The following HCFC2 variants were observed in gnomAD, a reference collection of about 807,000 sequenced individuals.
HCFC2 encodes the protein host cell factor C2.
Under a neutral mutation model 89.2 loss-of-function variants are expected in HCFC2, and 18 were observed. That is an observed-to-expected ratio of 0.20 (90% CI 0.14 to 0.30). The LOEUF (loss-of-function observed/expected upper bound fraction) is 0.30. Ranked by LOEUF, HCFC2 falls within the 10% of genes least tolerant of loss-of-function variation. HCFC2 has a pLI of 1.00. For missense variants in HCFC2, 578 were observed against 956.1 expected (o/e 0.60, Z 5.21); for synonymous variants, 308 against 335.7 (o/e 0.92, Z 0.90).
rs978138757 is a variant in HCFC2 at position 104,105,174 on chromosome 12, G to A, written c.*1901G>A. ...CATATTAAATATTAGGGTTTGTTGTGTATATGTGTATACTTAATTATAAAA... is the reference window on the plus strand; with the variant it reads ...CATATTAAATATTAGGGTTTGTTGTATATATGTGTATACTTAATTATAAAA... On this transcript the variant is annotated 3_prime_UTR_variant, in exon 15 of 15. Transcript: ENST00000229330. The A allele has an allele frequency of 1.3e-5, 2 of 151,734 alleles. No homozygotes were observed. Among genetic ancestry groups the A allele is most frequent in the African/African-American group, 2.4e-5 (1 of 41,348 alleles). 9.4% of individuals were successfully genotyped at this position (151,734 alleles called of 1,614,324 possible).
chr12:104,064,892 C>T lies in HCFC2; in HGVS notation c.163+169C>T, dbSNP rs1416667218. ...GCAGCCCGGGTCCGGCAGCTCTGTCCCGGACCGCAGCTCAGGATCTCCGGG... is the reference window on the plus strand; with the variant it reads ...GCAGCCCGGGTCCGGCAGCTCTGTCTCGGACCGCAGCTCAGGATCTCCGGG... On this transcript the variant is annotated intron_variant, in intron 1 of 14. Coordinates refer to ENST00000229330, the MANE Select transcript of HCFC2 (RefSeq NM_013320.3). The surrounding 1 kb of genome is among the most constrained non-coding windows in gnomAD (Gnocchi z 7.3). 1 of 510,162 alleles carries T rather than the reference C, an allele frequency of 2.0e-6. No homozygotes were observed. Among genetic ancestry groups the T allele is most frequent in the Non-Finnish European group, 3.2e-6 (1 of 312,096 alleles). 31.6% of individuals were successfully genotyped at this position (510,162 alleles called of 1,614,324 possible). A position where few individuals can be genotyped will look rare whatever the true frequency, so the allele number is the denominator to read the frequency against.
chr12:104,077,247 TTTG>T (rs1883523964), intron 3 of HCFC2, among the ~76,000 whole-genome samples: 1 of 152,084 alleles, frequency 6.6e-6, no homozygotes, highest in South Asian at 2.1e-4. Flanking sequence ...TTTTTTGTTT[TTTG>T]TTTTTTTTTT....
chr12:104,087,443 A>T (rs12426053), intron 8 of HCFC2, among the ~76,000 whole-genome samples: 3 of 96,142 alleles, frequency 3.1e-5, no homozygotes, highest in African/African-American at 1.2e-4. Flanking sequence ...GTGTGTGTGT[A>T]TGTGTGTGTG....
At chr12:104,096,729 C>T (rs902035811) in intron 12 of HCFC2, among the ~76,000 whole-genome samples, 1 of 152,024 alleles carries the variant, frequency 6.6e-6, no homozygotes, top group Non-Finnish European at 1.5e-5. Context: ...AGGTGGGGGG[C>T]CACAGATACT....
intron 4 of HCFC2, 86 bp downstream of exon 4, chr12:104,079,739 T>G (rs1237196008): frequency 9.8e-7 from 1 of 1,018,780 alleles, no homozygotes; most frequent in Non-Finnish European, 1.5e-6. Flanking sequence ...TTTATTGAGT[T>G]GTACTTAGAT....
rs576995183 is a variant in HCFC2 at position 104,093,946 on chromosome 12, C to T, written c.1462+383C>T. Among the ~76,000 whole-genome samples the T allele has an allele frequency of 7.2e-4, 109 of 151,846 alleles. No homozygotes were observed. In the South Asian group the frequency reaches 0.012, roughly 17 times the overall value. On this transcript the variant is annotated intron_variant, in intron 10 of 14. Transcript: ENST00000229330. ...TAAAGCAGTGGCTGAAATGGAGAGG[C>T]GAGAATTCATCATTTAAGAGACGTT...
At position 104,095,318 on chromosome 12, in the gene HCFC2, G is replaced by A. The variant is rs372514796; in HGVS notation, c.1463-42G>A. 4 of 1,419,282 alleles carry A rather than the reference G, an allele frequency of 2.8e-6. No homozygotes were observed. The African/African-American group carries it at 4.2e-5, about 15-fold the overall frequency. The allele number at this position is 1,419,282 out of a possible 1,614,324, so 87.9% of individuals were successfully genotyped here. The stretch of plus-strand genomic sequence containing the variant: ...GAACGATAAGACACAACAATTATCT[G>A]CAGATATCATATTAATAATTACCTT... On this transcript the variant is annotated intron_variant, in intron 10 of 14. Transcript: ENST00000229330. The surrounding 1 kb of genome is among the most constrained non-coding windows in gnomAD (Gnocchi z 4.2).
rs1331256152 is a variant in HCFC2 at position 104,098,334 on chromosome 12, TGAAA to T, written c.1741-8_1741-5del. The T allele has an allele frequency of 3.2e-6, 5 of 1,579,076 alleles. No homozygotes were observed. The highest frequency in any genetic ancestry group is 2.1e-5 in the Admixed American group (1 of 48,550). ...GAGTCTTCATAAATTTTTTTTTCTC[TGAAA>T]TTAGAAAGAGACTCCTTCAAATCCA... On this transcript the variant is annotated splice_polypyrimidine_tract_variant and splice_region_variant and intron_variant, in intron 12 of 14. Coordinates refer to ENST00000229330, the MANE Select transcript of HCFC2 (RefSeq NM_013320.3).
In HCFC2 at chr12:104,067,852, A is replaced by T. The variant is rs909938574; in HGVS notation, c.313-95A>T. On this transcript the variant is annotated intron_variant, in intron 2 of 14. Coordinates refer to ENST00000229330, the MANE Select transcript of HCFC2 (RefSeq NM_013320.3). ...TTTTTAGTGCCTTCTGATGGGATTT[A>T]GATTAAAATGTATTGATATGATGTT... 3.4e-6 allele frequency: 4 copies of T among 1,178,736 alleles called. No homozygotes were observed. The African/African-American group carries it at 4.7e-5, about 14-fold the overall frequency. 73.0% of individuals were successfully genotyped at this position (1,178,736 alleles called of 1,614,324 possible).
At chr12:104,098,592 T>C in intron 13 of HCFC2, 112 bp downstream of exon 13, 1 of 1,109,724 alleles carries the variant, frequency 9.0e-7, no homozygotes, top group Non-Finnish European at 1.3e-6. Flanking sequence ...ATTTCTTTTT[T>C]AGAACCCTGA....
chr12:104,081,016 T>C (rs1883665955), intron 5 of HCFC2, among the ~76,000 whole-genome samples, 186 bp downstream of exon 5: 1 of 152,232 alleles, frequency 6.6e-6, no homozygotes, highest in African/African-American at 2.4e-5. Flanking sequence ...CATTTTCTTA[T>C]GCTCTCTCTT....
chr12:104,071,616 C>T (rs750151147), intron 3 of HCFC2, among the ~76,000 whole-genome samples: 1 of 152,208 alleles, frequency 6.6e-6, no homozygotes, highest in African/African-American at 2.4e-5. Context: ...GAGAAAGGGT[C>T]TCACTCTGTT....
intron 12 of HCFC2, chr12:104,097,512 TAA>T (rs78902924): frequency 0.11 from 20,398 of 189,234 alleles, 1,470 homozygotes; most frequent in East Asian, 0.41. Context: ...TTTTTAACTT[TAA>T]AGACTCTTCT....
Position 104,082,920 on chromosome 12 carries a change from C to A in HCFC2, c.1063+19C>A. 1.3e-6 allele frequency: 2 copies of A among 1,561,786 alleles called. No homozygotes were observed. Among genetic ancestry groups the A allele is most frequent in the Non-Finnish European group, 1.7e-6 (2 of 1,153,158 alleles). ...GATACTGGTAGGTAAGAATATTTAA[C>A]AAATAAACTTTTTCCTTTAGGTAAG... On this transcript the variant is annotated intron_variant, in intron 7 of 14. Coordinates refer to ENST00000229330, the MANE Select transcript of HCFC2 (RefSeq NM_013320.3).
rs1048240308 is a variant in HCFC2, at chr12:104,095,232, A to G, written c.1463-128A>G. 3 of 681,732 alleles carry G rather than the reference A, an allele frequency of 4.4e-6. No homozygotes were observed. The highest frequency in any genetic ancestry group is 3.6e-5 in the African/African-American group (2 of 55,464). The allele number at this position is 681,732 out of a possible 1,614,324, so 42.2% of individuals were successfully genotyped here. A position where few individuals can be genotyped will look rare whatever the true frequency, so the allele number is the denominator to read the frequency against. On this transcript the variant is annotated intron_variant, in intron 10 of 14. Coordinates refer to ENST00000229330, the MANE Select transcript of HCFC2 (RefSeq NM_013320.3). This position sits in a 1 kb window ranked among gnomAD's most constrained non-coding sequence, Gnocchi z 4.2. The stretch of plus-strand genomic sequence containing the variant: ...TATGCCTAATGGATAATTCATACTA[A>G]TACCATTTGTGGTGCTCATGTATGA...
At chr12:104,088,577 T>C (rs1017593949) in intron 9 of HCFC2, among the ~76,000 whole-genome samples, 6 of 152,206 alleles carry the variant, frequency 3.9e-5, no homozygotes, top group Non-Finnish European at 7.4e-5. Context: ...ATATGCTTAC[T>C]AAGATTCATT....
At chr12:104,069,525 TAAAA>T (rs376922435) in intron 3 of HCFC2, among the ~76,000 whole-genome samples, 1 of 140,456 alleles carries the variant, frequency 7.1e-6, no homozygotes, top group African/African-American at 2.6e-5. Flanking sequence ...CCTTTTTTGT[TAAAA>T]AAAAAAAAAA....
rs1884242764 is a variant in HCFC2, at chr12:104,098,488, T to C, written c.1878+8T>C. 3 of 1,593,800 alleles carry C rather than the reference T, an allele frequency of 1.9e-6. No individual in the cohort carries two copies. The highest frequency in any genetic ancestry group is 2.2e-5 in the East Asian group (1 of 44,540). Reference sequence around the variant, plus strand: ...AAGCAAAGCATCTCAAAGGTAGCTATTGATATATTTTCTACATTGTAAATT... The same window carrying C: ...AAGCAAAGCATCTCAAAGGTAGCTACTGATATATTTTCTACATTGTAAATT... On this transcript the variant is annotated splice_region_variant and intron_variant, in intron 13 of 14. Coordinates refer to ENST00000229330, the MANE Select transcript of HCFC2 (RefSeq NM_013320.3).
chr12:104,104,153 A>G lies in HCFC2; in HGVS notation c.*880A>G, dbSNP rs1431931590. 1.3e-5 allele frequency: 2 copies of G among 152,058 alleles called. No homozygotes were observed. The highest frequency in any genetic ancestry group is 2.9e-5 in the Non-Finnish European group (2 of 67,916). The allele number at this position is 152,058 out of a possible 1,614,324, so 9.4% of individuals were successfully genotyped here. A position where few individuals can be genotyped will look rare whatever the true frequency, so the allele number is the denominator to read the frequency against. ...TTAAAATCTTCATAATTGAATTCAAAATTAAAGTATATGTCCTCCTATTGG... is the reference window on the plus strand; with the variant it reads ...TTAAAATCTTCATAATTGAATTCAAGATTAAAGTATATGTCCTCCTATTGG... On this transcript the variant is annotated 3_prime_UTR_variant, in exon 15 of 15. Coordinates refer to ENST00000229330, the MANE Select transcript of HCFC2 (RefSeq NM_013320.3).
Sources: gnomAD v4.1 joint callset for allele counts (sites outside exome capture counted in the v4.1 genomes callset) on GRCh38, gnomAD v4.1.1 for gene constraint, Gnocchi (gnomAD v3.1) non-coding constraint, MANE v1.5 for transcripts, NCBI Gene and HGNC (gene_info 2026-07-23, HGNC 2026-07-21) for gene names.